PTK2: variants seen among roughly 807,000 people sequenced by gnomAD.
PTK2 encodes the protein protein tyrosine kinase 2.
A neutral mutation model predicts 150.1 loss-of-function variants in PTK2; 45 were observed. The observed-to-expected ratio is 0.30, with a 90% CI of 0.24 to 0.38. PTK2 has a LOEUF of 0.38. Among genes scored for constraint, PTK2 ranks in the 10% least tolerant of loss-of-function variants. The pLI is 1.00. For synonymous variants in PTK2, 432 were observed against 449.2 expected (o/e 0.96, Z 0.48); for missense variants, 919 against 1,307.3 (o/e 0.70, Z 4.58).
chr8:140,858,813 A>C (rs2100134382), intron 5 of PTK2, among the ~76,000 whole-genome samples: 1 of 152,244 alleles, frequency 6.6e-6, no homozygotes, highest in Non-Finnish European at 1.5e-5. Context: ...TGGAACCTTA[A>C]CAATATCTAA....
At chr8:140,807,777 CTTT>C (rs2100098950) in intron 10 of PTK2, among the ~76,000 whole-genome samples, 1 of 152,186 alleles carries the variant, frequency 6.6e-6, no homozygotes, top group Non-Finnish European at 1.5e-5. Flanking sequence ...TTGCACCTAT[CTTT>C]TTATCTTTTT....
chr8:140,833,201 A>G (rs1250126868), intron 7 of PTK2, among the ~76,000 whole-genome samples: 1 of 152,186 alleles, frequency 6.6e-6, no homozygotes, highest in Non-Finnish European at 1.5e-5. Context: ...CTGAAGGCTA[A>G]TAATTAGCAT....
At chr8:140,856,392 AAAACAAAAC>A (rs1241535818) in intron 5 of PTK2, among the ~76,000 whole-genome samples, 2 of 152,160 alleles carry the variant, frequency 1.3e-5, no homozygotes, top group East Asian at 1.9e-4. Flanking sequence ...AAAACAAAAC[AAAACAAAAC>A]AGTCCAGATG....
At chr8:140,689,077 GATAGACATGA>G (rs144663959) in intron 26 of PTK2, among the ~76,000 whole-genome samples, 5,284 of 152,220 alleles carry the variant, frequency 0.035, 233 homozygotes, top group African/African-American at 0.1. Context: ...TGACAGGTAA[GATAGACATGA>G]ATAGACAGAA....
intron 26 of PTK2, among the ~76,000 whole-genome samples, chr8:140,693,564 T>TAAA (rs377205785): frequency 2.9e-4 from 21 of 72,456 alleles, no homozygotes; most frequent in African/African-American, 7.2e-4. Flanking sequence ...TTGTCTCAAT[T>TAAA]AAAAAAAAAA....
At position 140,764,333 on chromosome 8, in the gene PTK2, T is replaced by G. The variant is rs1336557330; in HGVS notation, c.1178-43A>C. The G allele has an allele frequency of 7.1e-6, 10 of 1,413,458 alleles. No individual in the cohort carries two copies. The Admixed American group carries it at 1.7e-4, about 24-fold the overall frequency. The allele number at this position is 1,413,458 out of a possible 1,614,324, so 87.6% of individuals were successfully genotyped here. A position where few individuals can be genotyped will look rare whatever the true frequency, so the allele number is the denominator to read the frequency against. On this transcript the variant is annotated intron_variant, in intron 14 of 31. Coordinates refer to ENST00000522684, the Ensembl canonical transcript of PTK2. ...GATATGTTGAAAGAGGTTAAACATC[T>G]GACCTCCTGGTATTTCATATAATTA...
chr8:140,809,451 AG>A (rs2100100132), intron 10 of PTK2, among the ~76,000 whole-genome samples: 1 of 152,218 alleles, frequency 6.6e-6, no homozygotes, highest in Non-Finnish European at 1.5e-5. Flanking sequence ...ATGAAAATGT[AG>A]AGAAATGGAT....
At chr8:140,667,427 C>T (rs182360727) in intron 30 of PTK2, among the ~76,000 whole-genome samples, 63 of 151,608 alleles carry the variant, frequency 4.2e-4, no homozygotes, top group African/African-American at 1.5e-3. Context: ...GCTGACTTTC[C>T]TTGGACCTAG....
chr8:140,900,875 AT>A (rs1284936494), intron 2 of PTK2, among the ~76,000 whole-genome samples: 2 of 151,764 alleles, frequency 1.3e-5, no homozygotes, highest in Non-Finnish European at 2.9e-5. Context: ...CAAAATACCA[AT>A]GACATTCTTC....
chr8:140,970,889 C>CAA (rs71310809), intron 1 of PTK2, among the ~76,000 whole-genome samples: 92 of 144,626 alleles, frequency 6.4e-4, no homozygotes, highest in East Asian at 3.8e-3. Flanking sequence ...AGAAATATGT[C>CAA]AAAAAAAAAA....
rs747082828 is a variant in PTK2 at position 140,850,182 on chromosome 8, T to C, written c.451-3504A>G. 3.2e-4 allele frequency among the ~76,000 whole-genome samples: 48 copies of C among 152,064 alleles called. 1 individual carries two copies. Among genetic ancestry groups the C allele is most frequent in the Middle Eastern group, 3.4e-3 (1 of 292 alleles). ...GGCTCACGCCTGTAATCCCAGCACT[T>C]TGGGAGGCCGAGGTGGGTGGATCAC... On this transcript the variant is annotated intron_variant, in intron 5 of 31. Coordinates refer to ENST00000522684, the Ensembl canonical transcript of PTK2.
chr8:140,665,099 A>G lies in PTK2; in HGVS notation c.2866-102T>C, dbSNP rs567029025. 12 of 1,065,450 alleles carry G rather than the reference A, an allele frequency of 1.1e-5. No homozygotes were observed. The South Asian group carries it at 1.6e-4, about 14-fold the overall frequency. 66.0% of individuals were successfully genotyped at this position (1,065,450 alleles called of 1,614,324 possible). A position where few individuals can be genotyped will look rare whatever the true frequency, so the allele number is the denominator to read the frequency against. On this transcript the variant is annotated intron_variant, in intron 30 of 31. Coordinates refer to ENST00000522684, the Ensembl canonical transcript of PTK2. ...TTTCCTTTCCACAAGTTTCAAGGCA[A>G]ATTTCTGTATTTCTTTTTCTCAGTG... is the stretch of plus-strand genomic sequence containing the variant.
At chr8:140,965,579 AAAC>A (rs1300348188) in intron 1 of PTK2, among the ~76,000 whole-genome samples, 2 of 152,224 alleles carry the variant, frequency 1.3e-5, no homozygotes, top group African/African-American at 4.8e-5. Flanking sequence ...TCCTCCAAGT[AAAC>A]AACAATATTC....
chr8:140,727,401 A>T (rs547642288), intron 22 of PTK2, among the ~76,000 whole-genome samples: 1 of 152,214 alleles, frequency 6.6e-6, no homozygotes, highest in African/African-American at 2.4e-5. Context: ...CCTGAAGTTC[A>T]CATGCTGTGA....
At chr8:140,999,458 C>G (rs1373670224) in intron 1 of PTK2, among the ~76,000 whole-genome samples, 10 of 152,164 alleles carry the variant, frequency 6.6e-5, no homozygotes, top group Admixed American at 3.9e-4. Flanking sequence ...TTTTTCCCCA[C>G]CAAGGATAAC....
intron 1 of PTK2, among the ~76,000 whole-genome samples, chr8:140,965,473 C>A (rs1331016930): frequency 6.6e-6 from 1 of 152,172 alleles, no homozygotes; most frequent in African/African-American, 2.4e-5. Context: ...ATTGGACATG[C>A]ACGGTACCAG....
At chr8:140,763,262 G>A (rs2100070357) in intron 15 of PTK2, among the ~76,000 whole-genome samples, 1 of 152,076 alleles carries the variant, frequency 6.6e-6, no homozygotes, top group Admixed American at 6.6e-5. Flanking sequence ...CTTCATTCCG[G>A]TAATGCTTCC....
At chr8:140,712,795 G>A (rs960458588) in intron 23 of PTK2, among the ~76,000 whole-genome samples, 5 of 152,134 alleles carry the variant, frequency 3.3e-5, no homozygotes, top group East Asian at 1.9e-4. Flanking sequence ...TCAAGATCAC[G>A]GTAATAAGTT....
chr8:140,808,787 G>A (rs1168100616), intron 10 of PTK2, among the ~76,000 whole-genome samples: 1 of 144,344 alleles, frequency 6.9e-6, no homozygotes. Flanking sequence ...CCAGCATGGA[G>A]TGCAGTGGTG....
Sources: allele counts gnomAD v4.1 joint callset (sites outside exome capture counted in the v4.1 genomes callset), GRCh38; gene constraint gnomAD v4.1.1; transcripts MANE v1.5; gene names NCBI Gene and HGNC (gene_info 2026-07-23, HGNC 2026-07-21).